The following FAM171A1 variants were observed in gnomAD, a reference collection of about 807,000 sequenced individuals.
The protein encoded by FAM171A1 is protein FAM171A1.
FAM171A1 carries 23 observed loss-of-function variants against 74.9 expected under a neutral mutation model. The observed-to-expected ratio is 0.31, with a 90% CI of 0.22 to 0.44. FAM171A1 has a LOEUF of 0.44. FAM171A1 is among the 20% of genes least tolerant of loss of function. FAM171A1 has a pLI of 1.00. For synonymous variants in FAM171A1, 527 were observed against 505.7 expected (o/e 1.04, Z -0.57); for missense variants, 1,162 against 1,159.2 (o/e 1.00, Z -0.03).
At position 15,229,801 on chromosome 10, in the gene FAM171A1, TCACCATCACCACCACCATCAC is replaced by T. The variant is rs1834174654; in HGVS notation, c.755-8762_755-8742del. Among the ~76,000 whole-genome samples, 4 of 4,994 alleles carry T rather than the reference TCACCATCACCACCACCATCAC, an allele frequency of 8.0e-4. 1 individual carries two copies. Among genetic ancestry groups the T allele is most frequent in the Admixed American group, 2.3e-3 (1 of 440 alleles). 3.3% of individuals were successfully genotyped at this position (4,994 alleles called of 152,430 possible). A position where few individuals can be genotyped will look rare whatever the true frequency, so the allele number is the denominator to read the frequency against. On this transcript the variant is annotated intron_variant, in intron 5 of 7. Transcript: ENST00000378116. ...ATCACCATCACCACCATCACCATCA[TCACCATCACCACCACCATCAC>T]CATCATCATCATCACCACCATCACC...
At chr10:15,224,220 A>C (rs1325014260) in intron 5 of FAM171A1, among the ~76,000 whole-genome samples, 2 of 152,110 alleles carry the variant, frequency 1.3e-5, no homozygotes, top group Non-Finnish European at 2.9e-5. Context: ...GAGAAAGAGA[A>C]GGAGGACATT....
At chr10:15,271,315 C>T (rs757616634) in intron 3 of FAM171A1, among the ~76,000 whole-genome samples, 6 of 151,872 alleles carry the variant, frequency 4.0e-5, no homozygotes, top group African/African-American at 1.2e-4. Flanking sequence ...TGAAATAAAG[C>T]GAGAAGAGAA....
intron 1 of FAM171A1, among the ~76,000 whole-genome samples, chr10:15,311,936 A>C (rs1835364352): frequency 1.3e-5 from 2 of 152,212 alleles, no homozygotes; most frequent in South Asian, 4.1e-4. Flanking sequence ...CTACATGTGA[A>C]TGTTCCTCAC....
intron 1 of FAM171A1, among the ~76,000 whole-genome samples, chr10:15,359,286 T>G (rs1454586971): frequency 6.6e-6 from 1 of 152,176 alleles, no homozygotes; most frequent in African/African-American, 2.4e-5. Context: ...GGTCCTAAAG[T>G]CAGCATACAA....
chr10:15,269,399 G>A (rs181410178), intron 3 of FAM171A1, among the ~76,000 whole-genome samples: 1 of 152,102 alleles, frequency 6.6e-6, no homozygotes, highest in Admixed American at 6.5e-5. Context: ...GATTACAGGT[G>A]TGAGCCATTG....
Position 15,214,062 on chromosome 10 carries a change from G to T in FAM171A1, c.1526C>A (p.Thr509Lys). ...TTCCTGAATGGTGAGTTTGCTTCCC[G>T]TGGAGGCTGGACCTTCTCTGTCCTG... ...EKQDREGPAS[T>K]GSKLTIQEHL... The change falls in exon 8 of 8, where the codon ACG (threonine) becomes AAG (lysine). Residue 509 changes from threonine (T) to lysine (K), a missense_variant. Physicochemically the swap from Thr to Lys is moderately conservative, Grantham distance 78. Transcript: ENST00000378116. The T allele has an allele frequency of 6.2e-7, 1 of 1,614,190 alleles. No homozygotes were observed. The highest frequency in any genetic ancestry group is 8.5e-7 in the Non-Finnish European group (1 of 1,180,042).
chr10:15,272,653 C>G (rs1834841698), intron 3 of FAM171A1, among the ~76,000 whole-genome samples: 1 of 152,264 alleles, frequency 6.6e-6, no homozygotes. Context: ...TAAAACACTC[C>G]TCAGCAAATG....
At chr10:15,328,847 G>T (rs983935041) in intron 1 of FAM171A1, among the ~76,000 whole-genome samples, 1 of 152,110 alleles carries the variant, frequency 6.6e-6, no homozygotes, top group Non-Finnish European at 1.5e-5. Flanking sequence ...CCTTCATCCT[G>T]CCTCTCACTA....
rs144229748 is a variant in FAM171A1, at chr10:15,250,016, C to T, written c.578-1201G>A. Among the ~76,000 whole-genome samples the T allele has an allele frequency of 2.2e-3, 329 of 152,282 alleles. 11 individuals are homozygous for T. The East Asian group carries it at 0.055, about 25-fold the overall frequency. ...TTTATTCAGCTACTTATATACTTAC[C>T]TACCTACCAAACTGAGCTGATGTAA... On this transcript the variant is annotated intron_variant, in intron 4 of 7. Transcript: ENST00000378116.
At chr10:15,369,838 AG>A (rs1836113059) in intron 1 of FAM171A1, among the ~76,000 whole-genome samples, 1 of 152,316 alleles carries the variant, frequency 6.6e-6, no homozygotes, top group South Asian at 2.1e-4. Flanking sequence ...CCAACTTTGC[AG>A]GACACACACC....
chr10:15,301,764 C>A (rs1588542001), intron 1 of FAM171A1, among the ~76,000 whole-genome samples: 1 of 152,288 alleles, frequency 6.6e-6, no homozygotes, highest in East Asian at 1.9e-4. Context: ...TAATAAACAT[C>A]CCTTATCTCT....
intron 5 of FAM171A1, among the ~76,000 whole-genome samples, chr10:15,237,151 A>C (rs1335405770): frequency 6.6e-6 from 1 of 152,200 alleles, no homozygotes; most frequent in Non-Finnish European, 1.5e-5. Flanking sequence ...TAATCCACAA[A>C]GTGAATACTC....
chr10:15,304,798 G>A lies in FAM171A1; in HGVS notation c.98-20693C>T, dbSNP rs539730690. Reference sequence around the variant, plus strand: ...GTTGCCCAGGCTAGAGTGCACTGGCGCAATCTTGGCTCACTGCAACCTCTG... The same window carrying A: ...GTTGCCCAGGCTAGAGTGCACTGGCACAATCTTGGCTCACTGCAACCTCTG... On this transcript the variant is annotated intron_variant, in intron 1 of 7. Coordinates refer to ENST00000378116, the MANE Select transcript of FAM171A1 (RefSeq NM_001010924.2). Among the ~76,000 whole-genome samples, 16 of 152,202 alleles carry A rather than the reference G, an allele frequency of 1.1e-4. No homozygotes were observed. The South Asian group carries it at 1.2e-3, about 12-fold the overall frequency.
chr10:15,352,078 C>CAAA (rs35033407), intron 1 of FAM171A1, among the ~76,000 whole-genome samples: 8 of 116,384 alleles, frequency 6.9e-5, no homozygotes, highest in Non-Finnish European at 1.3e-4. Context: ...TGTAAAAATA[C>CAAA]AAAAAAAAAA....
At chr10:15,220,603 G>A (rs779113857) in intron 6 of FAM171A1, among the ~76,000 whole-genome samples, 9 of 152,000 alleles carry the variant, frequency 5.9e-5, no homozygotes, top group Non-Finnish European at 1.3e-4. Context: ...CCCTACATGT[G>A]TGCCTATACC....
intron 1 of FAM171A1, among the ~76,000 whole-genome samples, chr10:15,301,165 A>C (rs1041691417): frequency 2.0e-5 from 3 of 152,036 alleles, no homozygotes; most frequent in Non-Finnish European, 4.4e-5. Flanking sequence ...GTTCTGAGCT[A>C]TCTCTTTAAG....
intron 3 of FAM171A1, among the ~76,000 whole-genome samples, chr10:15,265,041 A>C (rs1008513639): frequency 6.6e-6 from 1 of 152,186 alleles, no homozygotes; most frequent in Non-Finnish European, 1.5e-5. Context: ...GCACATTTAA[A>C]CATTAACAAA....
rs573451618 is a variant in FAM171A1, at chr10:15,239,679, C to T, written c.754+8960G>A. Reference sequence around the variant, plus strand: ...CAGAGAGGGCACAATTGGATCATTACATATTCCGCTGATTCTTTAAGGAAA... The same window carrying T: ...CAGAGAGGGCACAATTGGATCATTATATATTCCGCTGATTCTTTAAGGAAA... On this transcript the variant is annotated intron_variant, in intron 5 of 7. Transcript: ENST00000378116. Among the ~76,000 whole-genome samples the T allele has an allele frequency of 2.0e-5, 3 of 152,334 alleles. No individual in the cohort carries two copies. The South Asian group carries it at 6.2e-4, about 32-fold the overall frequency.
chr10:15,308,761 C>T (rs975008963), intron 1 of FAM171A1, among the ~76,000 whole-genome samples: 25 of 152,136 alleles, frequency 1.6e-4, no homozygotes, highest in Middle Eastern at 3.2e-3. Context: ...CCTTTTTAAA[C>T]CTGAAGGGTT....
Sources: gnomAD v4.1 joint callset for allele counts (sites outside exome capture counted in the v4.1 genomes callset) on GRCh38, gnomAD v4.1.1 for gene constraint, MANE v1.5 for transcripts, NCBI Gene and HGNC (gene_info 2026-07-23, HGNC 2026-07-21) for gene names.